The following PLEC variants were observed in gnomAD, a reference collection of about 807,000 sequenced individuals.
The protein encoded by PLEC is hemidesmosomal protein 1.
Under a neutral mutation model 392.8 loss-of-function variants are expected in PLEC, and 216 were observed. The observed-to-expected ratio is 0.55, with a 90% CI of 0.49 to 0.62. The LOEUF (loss-of-function observed/expected upper bound fraction) is 0.62, where lower values mean the gene tolerates loss of function less well. PLEC is among the 20% of genes least tolerant of loss of function. The probability of loss-of-function intolerance (pLI) is 0.00; values close to 1 mark genes in which losing one functional copy is unlikely to be tolerated. For missense variants in PLEC, 6,863 were observed against 6,563.4 expected, an observed-to-expected ratio of 1.05 and a Z score of -1.58; for synonymous variants, 3,621 against 2,980.6, an observed-to-expected ratio of 1.21 and a Z score of -7.00.
intron 30 of PLEC, 47 bp downstream of exon 30, chr8:143,926,737 G>A (rs1554705758): frequency 8.2e-6 from 12 of 1,463,288 alleles, no homozygotes; most frequent in Non-Finnish European, 1.1e-5. Context: ...GACACAACAG[G>A]TGGTGAGATG....
In PLEC at chr8:143,919,774, C is replaced by T. The variant is rs202133975; in HGVS notation, c.10047G>A (p.Thr3349=). Residue 3349 remains threonine, a synonymous_variant, in exon 32 of 32, where the codon ACG becomes ACA. Coordinates refer to ENST00000345136, the MANE Select transcript of PLEC (RefSeq NM_201384.3). The stretch of plus-strand genomic sequence containing the variant: ...CGAGGCAGCCACTGCCCTGCAGCAG[C>T]GTCCGCACGGAGCCCAGCTCCGAAA... The part of the protein sequence containing the change: ...KDLSELGSVR[T]LLQGSGCLAG... The T allele has an allele frequency of 2.7e-5, 43 of 1,612,064 alleles. No homozygotes were observed. Among genetic ancestry groups the T allele is most frequent in the African/African-American group, 1.7e-4 (13 of 75,060 alleles).
At position 143,935,262 on chromosome 8, in the gene PLEC, G is replaced by C; in HGVS notation, c.654C>G (p.Asn218Lys). Reference protein sequence around the residue: ...NKVYRQTNLENLDQAFSVAER... With the variant: ...NKVYRQTNLEKLDQAFSVAER... ...CCGCCACAGAGAAGGCCTGGTCCAG[G>C]TTCTCCAGGTTGGTCTGCCGGTACA... The change falls in exon 7 of 32, where the codon AAC becomes AAG. Residue 218 changes from asparagine (N) to lysine (K), a missense_variant. Transcript: ENST00000345136. 6.2e-7 allele frequency: 1 copy of C among 1,611,536 alleles called. No homozygotes were observed. The highest frequency in any genetic ancestry group is 8.5e-7 in the Non-Finnish European group (1 of 1,179,962).
At chr8:143,971,788 C>G (rs538449696) in intron 1 of PLEC, among the ~76,000 whole-genome samples, 2 of 152,108 alleles carry the variant, frequency 1.3e-5, no homozygotes, top group Non-Finnish European at 2.9e-5. Flanking sequence ...GCAAGCCCCC[C>G]GGCCCCCCTG....
At chr8:143,939,648 G>T (rs1486871429), upstream of PLEC, 22 of 1,416,896 alleles carry the variant, frequency 1.6e-5, no homozygotes, top group Non-Finnish European at 2.0e-5. Flanking sequence ...AGGCCGGCCC[G>T]CCCCCGAGGC....
intron 1 of PLEC, among the ~76,000 whole-genome samples, chr8:143,968,089 C>T (rs185061246): frequency 5.9e-5 from 9 of 151,692 alleles, no homozygotes; most frequent in Admixed American, 5.2e-4. Context: ...GATCATGCCA[C>T]TGCACTCCAG....
Position 143,920,767 on chromosome 8 carries a change from C to G in PLEC, c.9054G>C (p.Arg3018=), listed in dbSNP as rs556944569. The change falls in exon 32 of 32, where the codon CGG becomes CGC. Residue 3018 remains arginine (R), a synonymous_variant. Coordinates refer to ENST00000345136, the MANE Select transcript of PLEC (RefSeq NM_201384.3). ...CGATGACGTTGGCACCCCGGAGAGC[C>G]CGCCGCACAGTGTCCACCTCGGCTA... ...RDVAEVDTVR[R]ALRGANVIAG... 1 of 1,606,284 alleles carries G rather than the reference C, an allele frequency of 6.2e-7. No individual in the cohort carries two copies. Among genetic ancestry groups the G allele is most frequent in the South Asian group, 1.1e-5 (1 of 91,086 alleles).
In PLEC at chr8:143,931,937, C is replaced by A; in HGVS notation, c.2178G>T (p.Gln726His). The A allele has an allele frequency of 6.2e-7, 1 of 1,604,794 alleles. No homozygotes were observed. Among genetic ancestry groups the A allele is most frequent in the Non-Finnish European group, 8.5e-7 (1 of 1,176,810 alleles). The part of the protein sequence containing the change: ...AHLKENAAYF[Q>H]FFSDVREAEG... ...GTGCGGAGGGGGCTCCGGTTCTCAC[C>A]TGAAAGTAGGCAGCGTTCTCCTTCA... is the stretch of plus-strand genomic sequence containing the variant. Residue 726 changes from glutamine to histidine, a missense_variant and splice_region_variant, in exon 18 of 32, where the codon CAG (glutamine) becomes CAT (histidine). Coordinates refer to ENST00000345136, the MANE Select transcript of PLEC (RefSeq NM_201384.3).
chr8:143,927,344 T>TG lies in PLEC; in HGVS notation c.3757-10dup. On this transcript the variant is annotated splice_polypyrimidine_tract_variant and intron_variant, in intron 27 of 31. Transcript: ENST00000345136. ...ATCTCCTCCAGCAGGGCCTGGGTGATGGTGTGGTCAGAGCCGTGGCCGCAG... is the reference window on the plus strand; with the variant it reads ...ATCTCCTCCAGCAGGGCCTGGGTGATGGGTGTGGTCAGAGCCGTGGCCGCAG... 3 of 1,612,512 alleles carry TG rather than the reference T, an allele frequency of 1.9e-6. No homozygotes were observed. Among genetic ancestry groups the TG allele is most frequent in the Non-Finnish European group, 2.5e-6 (3 of 1,179,840 alleles).
At position 143,919,377 on chromosome 8, in the gene PLEC, G is replaced by A. The variant is rs370181826; in HGVS notation, c.10444C>T (p.Arg3482Cys). The A allele has an allele frequency of 5.3e-5, 86 of 1,613,608 alleles. No homozygotes were observed. The highest frequency in any genetic ancestry group is 8.3e-5 in the Admixed American group (5 of 60,006). ...TGGTAGGCCACGTCCACAGGCACGC[G>A]GTGGCTGTGCACGGGGTCGATGATG... is the stretch of plus-strand genomic sequence containing the variant. ...GGIIDPVHSH[R>C]VPVDVAYQRG... Residue 3482 changes from arginine (R) to cysteine (C), a missense_variant, in exon 32 of 32, where the codon CGC becomes TGC. Coordinates refer to ENST00000345136, the MANE Select transcript of PLEC (RefSeq NM_201384.3).
chr8:143,924,663 C>T lies in PLEC; in HGVS notation c.5266G>A (p.Glu1756Lys), dbSNP rs782212761. ...ATQKRQELEA[E>K]LAKVRAEMEV... ...ATCTCGGCCCGCACCTTGGCCAGCT[C>T]GGCTTCCAGCTCCTGCCGTTTCTGC... The change falls in exon 31 of 32, where the codon GAG becomes AAG. Residue 1756 changes from glutamate to lysine, a missense_variant. Physicochemically the swap from Glu to Lys is moderately conservative, Grantham distance 56 (BLOSUM62 1). Transcript: ENST00000345136. 2.7e-5 allele frequency: 42 copies of T among 1,535,762 alleles called. No individual in the cohort carries two copies. Among genetic ancestry groups the T allele is most frequent in the South Asian group, 2.5e-4 (21 of 84,248 alleles).
chr8:143,916,108 A>G lies in PLEC; in HGVS notation c.*69T>C. ...GGGAGGAAGACACCTTTAAGCGTTGAAAACGGCCCCCGCGCCTCGGTGGGA... is the reference window on the plus strand; with the variant it reads ...GGGAGGAAGACACCTTTAAGCGTTGGAAACGGCCCCCGCGCCTCGGTGGGA... On this transcript the variant is annotated 3_prime_UTR_variant, in exon 32 of 32. Transcript: ENST00000345136. 1.6e-6 allele frequency: 2 copies of G among 1,219,218 alleles called. No homozygotes were observed. Among genetic ancestry groups the G allele is most frequent in the East Asian group, 2.6e-5 (1 of 38,508 alleles). 75.5% of individuals were successfully genotyped at this position (1,219,218 alleles called of 1,614,324 possible). A position where few individuals can be genotyped will look rare whatever the true frequency, so the allele number is the denominator to read the frequency against.
Position 143,918,987 on chromosome 8 carries a change from G to A in PLEC, c.10834C>T (p.Arg3612Trp), listed in dbSNP as rs199983097. 7.9e-5 allele frequency: 127 copies of A among 1,611,150 alleles called. No homozygotes were observed. The Admixed American group carries it at 8.0e-4, about 10-fold the overall frequency. ...AQLMADFQAG[R>W]VTKERMIIII... Reference sequence around the variant, plus strand: ...ATGATCATGCGTTCCTTGGTCACCCGGCCGGCCTGGAAGTCAGCCATCAGC... The same window carrying A: ...ATGATCATGCGTTCCTTGGTCACCCAGCCGGCCTGGAAGTCAGCCATCAGC... Residue 3612 changes from arginine (R) to tryptophan (W), a missense_variant, in exon 32 of 32, where the codon CGG (arginine) becomes TGG (tryptophan). Coordinates refer to ENST00000345136, the MANE Select transcript of PLEC (RefSeq NM_201384.3).
At chr8:143,970,700 A>C (rs1209897266) in intron 1 of PLEC, among the ~76,000 whole-genome samples, 2 of 151,798 alleles carry the variant, frequency 1.3e-5, no homozygotes, top group African/African-American at 4.8e-5. Flanking sequence ...TGGCCGCCTC[A>C]CCTCCACTCA....
chr8:143,937,106 G>A, intron 4 of PLEC, 35 bp from the exon 5 acceptor site: 1 of 1,609,286 alleles, frequency 6.2e-7, no homozygotes, highest in Non-Finnish European at 8.5e-7. Flanking sequence ...CGGCCCACAG[G>A]GCGGGGCTGG....
In PLEC at chr8:143,925,671, C is replaced by T. The variant is rs781916242; in HGVS notation, c.4258G>A (p.Glu1420Lys). ...CTCTGCCGCAGCTGCTGCAGCTCCT[C>T]CTGAATGCTGCGCTTCTGCTGCTGC... ...DAQQQKRSIQ[E>K]ELQQLRQSSE... The change falls in exon 31 of 32, where the codon GAG becomes AAG. Residue 1420 changes from glutamate to lysine, a missense_variant. Glu to Lys is a moderately conservative substitution (Grantham distance 56). Coordinates refer to ENST00000345136, the MANE Select transcript of PLEC (RefSeq NM_201384.3). 1.7e-5 allele frequency: 27 copies of T among 1,590,890 alleles called. No homozygotes were observed. The highest frequency in any genetic ancestry group is 2.3e-5 in the Non-Finnish European group (27 of 1,175,988).
At position 143,935,031 on chromosome 8, in the gene PLEC, G is replaced by C. The variant is rs782352000; in HGVS notation, c.805C>G (p.Gln269Glu). Residue 269 changes from glutamine to glutamate, a missense_variant, in exon 8 of 32, where the codon CAG becomes GAG. Gln to Glu is a conservative substitution (Grantham distance 29). Transcript: ENST00000345136. ...CTCACGTTGGCCCTCACCCCATCCTGCACGTCCGGCACGCGGGGCATGGCG... is the reference window on the plus strand; with the variant it reads ...CTCACGTTGGCCCTCACCCCATCCTCCACGTCCGGCACGCGGGGCATGGCG... ...YDAMPRVPDV[Q>E]DGVRANELQL... 1.9e-6 allele frequency: 3 copies of C among 1,612,730 alleles called. No homozygotes were observed. In the East Asian group the frequency reaches 6.7e-5, roughly 36 times the overall value.
At chr8:143,975,935 A>C (rs1587439269), upstream of PLEC, among the ~76,000 whole-genome samples, 1 of 151,734 alleles carries the variant, frequency 6.6e-6, no homozygotes, top group African/African-American at 2.4e-5. This position sits in a 1 kb window ranked among gnomAD's most constrained non-coding sequence, Gnocchi z 9.9. Flanking sequence ...AAAGCTGACC[A>C]CCGCCCCCTC....
Position 143,933,082 on chromosome 8 carries a change from G to A in PLEC, c.1448C>T (p.Ala483Val). Residue 483 changes from alanine to valine, a missense_variant, in exon 14 of 32, where the codon GCC becomes GTC. Ala to Val is a moderately conservative substitution (Grantham distance 64). Coordinates refer to ENST00000345136, the MANE Select transcript of PLEC (RefSeq NM_201384.3). ...RVYRLHERLV[A>V]IRTEYNLRLK... is the part of the protein sequence containing the mutation. ...CCGTAGGTTGTACTCGGTGCGGATGGCTACCAGGCGCTCGTGCAGACGGTA... is the reference window on the plus strand; with the variant it reads ...CCGTAGGTTGTACTCGGTGCGGATGACTACCAGGCGCTCGTGCAGACGGTA... 6.3e-7 allele frequency: 1 copy of A among 1,589,256 alleles called. No individual in the cohort carries two copies. The highest frequency in any genetic ancestry group is 8.5e-7 in the Non-Finnish European group (1 of 1,170,224).
chr8:143,946,280 G>C (rs1301169705), intron 1 of PLEC: 12 of 1,134,760 alleles, frequency 1.1e-5, no homozygotes, highest in Non-Finnish European at 1.4e-5. Context: ...AACGGGAAGA[G>C]ACAGGTCTGC....
Sources: gnomAD v4.1 joint callset for allele counts (sites outside exome capture counted in the v4.1 genomes callset) on GRCh38, gnomAD v4.1.1 for gene constraint, Gnocchi (gnomAD v3.1) non-coding constraint, MANE v1.5 for transcripts, NCBI Gene and HGNC (gene_info 2026-07-23, HGNC 2026-07-21) for gene names.